The following PAK5 variants were observed in gnomAD, a reference collection of about 807,000 sequenced individuals.
The protein encoded by PAK5 is serine/threonine-protein kinase PAK 5.
A neutral mutation model predicts 65.9 loss-of-function variants in PAK5; 16 were observed. The observed-to-expected ratio is 0.24, with a 90% confidence interval of 0.16 to 0.37. The LOEUF (loss-of-function observed/expected upper bound fraction) is 0.37, where lower values mean the gene tolerates loss of function less well. Among genes scored for constraint, PAK5 ranks in the 10% least tolerant of loss-of-function variants. PAK5 has a pLI of 1.00. For synonymous variants in PAK5, 371 were observed against 354.9 expected (o/e 1.05, Z -0.51); for missense variants, 785 against 903.9 (o/e 0.87, Z 1.69).
In PAK5 at chr20:9,821,834, A is replaced by T. The variant is rs185645447; in HGVS notation, c.-162+16928T>A. ...TTTTTGGTTTGGGGTTTCTTGCAAG[A>T]CAGACTCAAAATCATTTTGTATTAT... On this transcript the variant is annotated intron_variant, in intron 1 of 9. Transcript: ENST00000353224. 2.6e-5 allele frequency among the ~76,000 whole-genome samples: 4 copies of T among 152,304 alleles called. No individual in the cohort carries two copies. The East Asian group carries it at 7.7e-4, about 29-fold the overall frequency.
intron 2 of PAK5, among the ~76,000 whole-genome samples, chr20:9,674,676 G>A (rs1394984061): frequency 2.6e-5 from 4 of 152,184 alleles, no homozygotes; most frequent in Non-Finnish European, 5.9e-5. Flanking sequence ...TTAAATGCTC[G>A]AGATTTATTG....
chr20:9,819,916 G>C (rs563006008), intron 1 of PAK5, among the ~76,000 whole-genome samples: 295 of 152,274 alleles, frequency 1.9e-3, no homozygotes, highest in Admixed American at 4.3e-3. Context: ...AGAGCTGTAG[G>C]GGGGCTGTCC....
chr20:9,691,448 C>A (rs1010575237), intron 2 of PAK5, among the ~76,000 whole-genome samples: 4 of 152,146 alleles, frequency 2.6e-5, no homozygotes, highest in Non-Finnish European at 1.5e-5. Flanking sequence ...AAGAAAAAGA[C>A]TGTCGGTCAT....
At chr20:9,676,686 G>T (rs2047576783) in intron 2 of PAK5, among the ~76,000 whole-genome samples, 1 of 152,120 alleles carries the variant, frequency 6.6e-6, no homozygotes, top group South Asian at 2.1e-4. Flanking sequence ...TGAAAAGGTA[G>T]ATCAGTATAC....
chr20:9,634,203 G>A (rs1194763723), intron 3 of PAK5, among the ~76,000 whole-genome samples: 1 of 152,120 alleles, frequency 6.6e-6, no homozygotes, highest in Non-Finnish European at 1.5e-5. Context: ...CTGGTTCCAG[G>A]GAGCTGCAGG....
Position 9,825,992 on chromosome 20 carries a change from A to C in PAK5, c.-162+12770T>G, listed in dbSNP as rs373311751. ...CAAGAGGGTAACATAAACAATTAAA[A>C]TGGCCTGATTACAGGCAGTAGGGAG... On this transcript the variant is annotated intron_variant, in intron 1 of 9. Coordinates refer to ENST00000353224, the MANE Select transcript of PAK5 (RefSeq NM_177990.4). Among the ~76,000 whole-genome samples, 34 of 152,314 alleles carry C rather than the reference A, an allele frequency of 2.2e-4. No homozygotes were observed. In the East Asian group the frequency reaches 6.6e-3, roughly 29 times the overall value.
At chr20:9,646,757 G>A (rs1465388228) in intron 2 of PAK5, among the ~76,000 whole-genome samples, 2 of 152,292 alleles carry the variant, frequency 1.3e-5, no homozygotes, top group African/African-American at 4.8e-5. Context: ...TGGCTTGTCT[G>A]CCCTCTTGCT....
chr20:9,836,233 T>C (rs1274063063), intron 1 of PAK5, among the ~76,000 whole-genome samples: 1 of 152,222 alleles, frequency 6.6e-6, no homozygotes, highest in Non-Finnish European at 1.5e-5. Flanking sequence ...ATAGGGATGT[T>C]GGTGTACTGG....
At chr20:9,551,716 A>G (rs531601674) in intron 7 of PAK5, among the ~76,000 whole-genome samples, 1 of 152,186 alleles carries the variant, frequency 6.6e-6, no homozygotes, top group South Asian at 2.1e-4. Context: ...AATGGCACTC[A>G]GTGTACAATG....
At chr20:9,632,054 A>G (rs745937289) in intron 3 of PAK5, among the ~76,000 whole-genome samples, 1 of 152,248 alleles carries the variant, frequency 6.6e-6, no homozygotes, top group Non-Finnish European at 1.5e-5. Flanking sequence ...TCCAAGCATG[A>G]GTGGGAGTCA....
chr20:9,688,153 C>T lies in PAK5; in HGVS notation c.-12+23133G>A, dbSNP rs2047745282. Among the ~76,000 whole-genome samples, 3 of 152,028 alleles carry T rather than the reference C, an allele frequency of 2.0e-5. 1 individual carries two copies. The South Asian group carries it at 6.2e-4, about 32-fold the overall frequency. On this transcript the variant is annotated intron_variant, in intron 2 of 9. Transcript: ENST00000353224. ...GCCAGAGAACAGCCATGGTGGAAAC[C>T]AAGGGCAGGTACAGGGTGAAAATGC...
intron 2 of PAK5, among the ~76,000 whole-genome samples, chr20:9,706,021 A>G (rs1164158193): frequency 3.3e-5 from 5 of 152,172 alleles, no homozygotes; most frequent in Admixed American, 3.3e-4. Context: ...ACTGTAGAAT[A>G]GAGCTGCTAT....
intron 1 of PAK5, among the ~76,000 whole-genome samples, chr20:9,836,844 A>C (rs7265559): frequency 2.6e-4 from 39 of 152,202 alleles, no homozygotes; most frequent in Non-Finnish European, 4.0e-4. Flanking sequence ...CATCTAGATA[A>C]GTCTTACTAT....
chr20:9,692,339 G>A (rs2050105), intron 2 of PAK5, among the ~76,000 whole-genome samples: 81,153 of 152,038 alleles, frequency 0.53, 24,409 homozygotes, highest in African/African-American at 0.83. Flanking sequence ...CACACCTTCC[G>A]TATGAAAATG....
chr20:9,573,199 T>C (rs2045822483), intron 4 of PAK5, among the ~76,000 whole-genome samples: 1 of 152,032 alleles, frequency 6.6e-6, no homozygotes, highest in Non-Finnish European at 1.5e-5. Flanking sequence ...ATGTGCTTTG[T>C]CATGTCTCTA....
chr20:9,663,387 A>G lies in PAK5; in HGVS notation c.-11-19048T>C, dbSNP rs975084715. ...TGTGTCTAAGAGGTATTTAATGTGA[A>G]GTTTCTAGTGAAGTTTATTTAAATA... On this transcript the variant is annotated intron_variant, in intron 2 of 9. Transcript: ENST00000353224. 2.0e-5 allele frequency among the ~76,000 whole-genome samples: 3 copies of G among 152,140 alleles called. 1 individual carries two copies. The highest frequency in any genetic ancestry group is 2.0e-4 in the Admixed American group (3 of 15,258).
chr20:9,798,260 AT>A (rs1023967724), intron 1 of PAK5, among the ~76,000 whole-genome samples: 8 of 150,812 alleles, frequency 5.3e-5, no homozygotes, highest in Non-Finnish European at 1.0e-4. Flanking sequence ...GGTAAAAAAA[AT>A]GGTTCATAGC....
intron 4 of PAK5, among the ~76,000 whole-genome samples, chr20:9,570,486 T>G (rs1441150509): frequency 6.6e-6 from 1 of 152,064 alleles, no homozygotes; most frequent in Non-Finnish European, 1.5e-5. Context: ...GTGTGTATGA[T>G]GGAATGGGGA....
At chr20:9,813,212 G>A (rs1373856754) in intron 1 of PAK5, among the ~76,000 whole-genome samples, 1 of 151,918 alleles carries the variant, frequency 6.6e-6, no homozygotes, top group African/African-American at 2.4e-5. Flanking sequence ...AGAGCAATAG[G>A]GACCTAGGGT....
Sources: gnomAD v4.1 joint callset for allele counts (sites outside exome capture counted in the v4.1 genomes callset) on GRCh38, gnomAD v4.1.1 for gene constraint, MANE v1.5 for transcripts, NCBI Gene and HGNC (gene_info 2026-07-23, HGNC 2026-07-21) for gene names.